Variants in BRSK1 observed in about 807,000 individuals in gnomAD.
BRSK1 encodes the protein serine/threonine-protein kinase BRSK1.
A neutral mutation model predicts 86.2 loss-of-function variants in BRSK1; 17 were observed. The observed-to-expected ratio is 0.20, with a 90% CI of 0.14 to 0.30. The LOEUF is 0.30. BRSK1 is among the 10% of genes least tolerant of loss of function. The pLI, the probability that BRSK1 is intolerant of heterozygous loss-of-function variation, is 1.00. For missense variants in BRSK1, 719 were observed against 1,071.9 expected (o/e 0.67, Z 4.60); for synonymous variants, 464 against 440.1 (o/e 1.05, Z -0.68).
intron 7 of BRSK1, among the ~76,000 whole-genome samples, chr19:55,297,543 TGAGGCCAGCTCCAA>T (rs1451394005): frequency 6.6e-6 from 1 of 152,190 alleles, no homozygotes; most frequent in Non-Finnish European, 1.5e-5. Flanking sequence ...CTAAGGGCAA[TGAGGCCAGCTCCAA>T]GCTGGCTTCC....
Position 55,284,038 on chromosome 19 carries a change from CG to C in BRSK1, c.-399del. On this transcript the variant is annotated 5_prime_UTR_variant, in exon 1 of 19. An upstream open reading frame in the 5' UTR loses its in-frame stop. Transcript: ENST00000309383. ...GTGCCGGAGAGAAAGGACGAGGTGG[CG>C]GGGGGAGGCGGAGAGGAGGAGGAGG... is the stretch of plus-strand genomic sequence containing the variant. 17 of 1,082,802 alleles carry C rather than the reference CG, an allele frequency of 1.6e-5. No homozygotes were observed. The South Asian group carries it at 1.8e-4, about 11-fold the overall frequency. 67.1% of individuals were successfully genotyped at this position (1,082,802 alleles called of 1,614,324 possible). A position where few individuals can be genotyped will look rare whatever the true frequency, so the allele number is the denominator to read the frequency against.
Position 55,306,760 on chromosome 19 carries a change from G to T in BRSK1, c.2089+310G>T, listed in dbSNP as rs1246987762. ...GAGGAGAAAACTGAGTCATAGGGAG[G>T]TCAATGGACTTGGCCAGAGTCACAC... On this transcript the variant is annotated intron_variant, in intron 17 of 18. Transcript: ENST00000309383. This position sits in a 1 kb window ranked among gnomAD's most constrained non-coding sequence, Gnocchi z 4.7. 6.6e-6 allele frequency among the ~76,000 whole-genome samples: 1 copy of T among 152,148 alleles called. No homozygotes were observed. The highest frequency in any genetic ancestry group is 1.5e-5 in the Non-Finnish European group (1 of 68,022).
chr19:55,289,707 C>T, intron 4 of BRSK1, 87 bp downstream of exon 4: 1 of 1,513,486 alleles, frequency 6.6e-7, no homozygotes, highest in Non-Finnish European at 8.9e-7. Context: ...GAGCAAAAGC[C>T]ATGTGGTCGG....
Position 55,302,577 on chromosome 19 carries a change from A to C in BRSK1, c.858-120A>C. 7.8e-7 allele frequency: 1 copy of C among 1,277,536 alleles called. No individual in the cohort carries two copies. The highest frequency in any genetic ancestry group is 1.1e-6 in the Non-Finnish European group (1 of 916,520). The allele number at this position is 1,277,536 out of a possible 1,614,324, so 79.1% of individuals were successfully genotyped here. A position where few individuals can be genotyped will look rare whatever the true frequency, so the allele number is the denominator to read the frequency against. ...GTCTGGGGCGTCTGGATTCCTGGGTATGAGAGAGAAGGGGCCGGGGCCTAG... is the reference window on the plus strand; with the variant it reads ...GTCTGGGGCGTCTGGATTCCTGGGTCTGAGAGAGAAGGGGCCGGGGCCTAG... On this transcript the variant is annotated intron_variant, in intron 9 of 18. Transcript: ENST00000309383. The surrounding 1 kb of genome is among the most constrained non-coding windows in gnomAD (Gnocchi z 6.3).
intron 4 of BRSK1, among the ~76,000 whole-genome samples, chr19:55,292,944 G>T (rs1180315742): frequency 6.6e-6 from 1 of 152,120 alleles, no homozygotes; most frequent in African/African-American, 2.4e-5. Context: ...GGAGGTCAAG[G>T]CTGCAGTGAG....
intron 3 of BRSK1, among the ~76,000 whole-genome samples, chr19:55,288,411 C>T (rs2088352891): frequency 6.8e-6 from 1 of 146,170 alleles, no homozygotes; most frequent in Middle Eastern, 3.3e-3. Flanking sequence ...GAGGCAGAGG[C>T]TGCAGTGAGC....
chr19:55,310,135 T>C lies in BRSK1; in HGVS notation c.2179+1407T>C, dbSNP rs1212839818. 1.3e-5 allele frequency among the ~76,000 whole-genome samples: 2 copies of C among 152,144 alleles called. No homozygotes were observed. The highest frequency in any genetic ancestry group is 2.4e-5 in the African/African-American group (1 of 41,406). ...CCGTGTTTGTTTTCTATGGCCGCCG[T>C]CAACAAATGACACAGCCTTGGTGGC... On this transcript the variant is annotated intron_variant, in intron 18 of 18. Coordinates refer to ENST00000309383, the MANE Select transcript of BRSK1 (RefSeq NM_032430.2). The surrounding 1 kb of genome is among the most constrained non-coding windows in gnomAD (Gnocchi z 5.0).
Position 55,287,353 on chromosome 19 carries a change from G to T in BRSK1, c.317+54G>T. ...CCCATCCTCCCTCTCCAGGTTACCA[G>T]GGTGGGACTTCTCCAGAAACAGGGC... On this transcript the variant is annotated intron_variant, in intron 3 of 18. Transcript: ENST00000309383. This position sits in a 1 kb window ranked among gnomAD's most constrained non-coding sequence, Gnocchi z 5.3. The T allele has an allele frequency of 1.3e-6, 2 of 1,564,822 alleles. No individual in the cohort carries two copies. Among genetic ancestry groups the T allele is most frequent in the Non-Finnish European group, 1.8e-6 (2 of 1,136,346 alleles).
rs780118374 is a variant in BRSK1 at position 55,303,758 on chromosome 19, C to G, written c.1218C>G (p.Thr406=). The change falls in exon 12 of 19, where the codon ACC becomes ACG. Residue 406 remains threonine (T), a synonymous_variant. Coordinates refer to ENST00000309383, the MANE Select transcript of BRSK1 (RefSeq NM_032430.2). This position sits in a 1 kb window ranked among gnomAD's most constrained non-coding sequence, Gnocchi z 5.1. ...AGTCCATGGAAGTCCTGAGCATCACCGATGCCGGGGGTGGTGGCTCCCCTG... is the reference window on the plus strand; with the variant it reads ...AGTCCATGGAAGTCCTGAGCATCACGGATGCCGGGGGTGGTGGCTCCCCTG... ...ERKSMEVLSI[T]DAGGGGSPVP... 2 of 1,613,334 alleles carry G rather than the reference C, an allele frequency of 1.2e-6. No individual in the cohort carries two copies. Among genetic ancestry groups the G allele is most frequent in the Non-Finnish European group, 1.7e-6 (2 of 1,179,586 alleles).
At chr19:55,286,228 G>C (rs907917262) in intron 1 of BRSK1, among the ~76,000 whole-genome samples, 4 of 147,564 alleles carry the variant, frequency 2.7e-5, no homozygotes, top group Non-Finnish European at 5.9e-5. Context: ...GGATGGAATG[G>C]GGGCCTGGAC....
chr19:55,312,533 C>CAAA lies in BRSK1; in HGVS notation c.*492_*494dup, dbSNP rs372052269. On this transcript the variant is annotated 3_prime_UTR_variant, in exon 19 of 19. Transcript: ENST00000309383. ...TCCGTGTCTCTGATTCCGCCGGCGG[C>CAAA]AAAAAAAAAAAAAAAAAAAAAAAAA... is the stretch of plus-strand genomic sequence containing the variant. 3.7e-3 allele frequency: 94 copies of CAAA among 25,682 alleles called. 7 individuals carry two copies. Among genetic ancestry groups the CAAA allele is most frequent in the Admixed American group, 5.5e-3 (8 of 1,454 alleles). The allele number at this position is 25,682 out of a possible 1,614,324, so 1.6% of individuals were successfully genotyped here.
At chr19:55,290,674 C>T (rs988941811) in intron 4 of BRSK1, among the ~76,000 whole-genome samples, 1 of 150,540 alleles carries the variant, frequency 6.6e-6, no homozygotes, top group South Asian at 2.1e-4. Flanking sequence ...CGGAGTCTTG[C>T]TCTGTCACCC....
intron 1 of BRSK1, among the ~76,000 whole-genome samples, chr19:55,286,045 G>GCC (rs2088307217): frequency 9.2e-6 from 1 of 108,946 alleles, no homozygotes; most frequent in African/African-American, 3.5e-5. Context: ...GGGGCTGGGG[G>GCC]TCTGGAGTGC....
chr19:55,288,773 C>T (rs750786352), intron 3 of BRSK1, among the ~76,000 whole-genome samples: 4 of 151,900 alleles, frequency 2.6e-5, no homozygotes, highest in East Asian at 1.9e-4. Context: ...TTAGTAGAGA[C>T]GGGGTTTCAC....
chr19:55,306,530 T>A lies in BRSK1; in HGVS notation c.2089+80T>A. The A allele has an allele frequency of 1.3e-6, 2 of 1,520,582 alleles. No individual in the cohort carries two copies. The highest frequency in any genetic ancestry group is 2.3e-5 in the South Asian group (2 of 87,924). 94.2% of individuals were successfully genotyped at this position (1,520,582 alleles called of 1,614,324 possible). A position where few individuals can be genotyped will look rare whatever the true frequency, so the allele number is the denominator to read the frequency against. The stretch of plus-strand genomic sequence containing the variant: ...CTGAGACAGTGTAGGGGCCCAGGAG[T>A]GCAGCAGCAGGAGGAGGAAATGGTG... On this transcript the variant is annotated intron_variant, in intron 17 of 18. Transcript: ENST00000309383. The surrounding 1 kb of genome is among the most constrained non-coding windows in gnomAD (Gnocchi z 4.7).
chr19:55,303,896 C>A lies in BRSK1; in HGVS notation c.1286+70C>A. 1 of 1,527,630 alleles carries A rather than the reference C, an allele frequency of 6.5e-7. No individual in the cohort carries two copies. 94.6% of individuals were successfully genotyped at this position (1,527,630 alleles called of 1,614,324 possible). A position where few individuals can be genotyped will look rare whatever the true frequency, so the allele number is the denominator to read the frequency against. On this transcript the variant is annotated intron_variant, in intron 12 of 18. Transcript: ENST00000309383. The surrounding 1 kb of genome is among the most constrained non-coding windows in gnomAD (Gnocchi z 5.1). ...TAGGAGTTCAAGATTCTAACCCCAGCTCTACCTCAAATGTGCTGTGTCCTT... is the reference window on the plus strand; with the variant it reads ...TAGGAGTTCAAGATTCTAACCCCAGATCTACCTCAAATGTGCTGTGTCCTT...
chr19:55,305,914 C>G (rs199918607), intron 16 of BRSK1, among the ~76,000 whole-genome samples: 1 of 152,156 alleles, frequency 6.6e-6, no homozygotes, highest in African/African-American at 2.4e-5. Context: ...TTTATGCCTA[C>G]GGGTGGATGG....
chr19:55,291,354 C>CA (rs1276565741), intron 4 of BRSK1, among the ~76,000 whole-genome samples: 1 of 147,852 alleles, frequency 6.8e-6, no homozygotes, highest in African/African-American at 2.5e-5. Context: ...GCCTGGGCAA[C>CA]AAAGTGAGAT....
rs757982760 is a variant in BRSK1, at chr19:55,311,894, C to T, written c.2180-17C>T. ...CTGGGCTGCGGAACCCACGAAAAACCTCTTCCTCCCTTGCAGACGAGAAGA... is the reference window on the plus strand; with the variant it reads ...CTGGGCTGCGGAACCCACGAAAAACTTCTTCCTCCCTTGCAGACGAGAAGA... On this transcript the variant is annotated splice_polypyrimidine_tract_variant and intron_variant, in intron 18 of 18. Coordinates refer to ENST00000309383, the MANE Select transcript of BRSK1 (RefSeq NM_032430.2). 6.8e-6 allele frequency: 11 copies of T among 1,610,526 alleles called. No individual in the cohort carries two copies. In the Admixed American group the frequency reaches 8.4e-5, roughly 12 times the overall value.
Sources: allele counts gnomAD v4.1 joint callset (sites outside exome capture counted in the v4.1 genomes callset), GRCh38; gene constraint gnomAD v4.1.1; non-coding constraint Gnocchi (gnomAD v3.1); transcripts MANE v1.5; gene names NCBI Gene and HGNC (gene_info 2026-07-23, HGNC 2026-07-21).